The following ARHGAP24 variants were observed in gnomAD, a reference collection of about 807,000 sequenced individuals.
The protein encoded by ARHGAP24 is Rho GTPase activating protein 24, also known as rho GTPase-activating protein 24.
In ARHGAP24, 50 loss-of-function variants were observed where a neutral mutation model predicts 76.4. The observed-to-expected ratio is 0.65, with a 90% CI of 0.52 to 0.83. The LOEUF (loss-of-function observed/expected upper bound fraction) is 0.83, where lower values mean the gene tolerates loss of function less well. Ranked by LOEUF, ARHGAP24 falls within the 40% of genes least tolerant of loss-of-function variation. The probability of loss-of-function intolerance (pLI) is 0.00; values close to 1 mark genes in which losing one functional copy is unlikely to be tolerated. For missense variants in ARHGAP24, 930 were observed against 914.2 expected (o/e 1.02, Z -0.22); for synonymous variants, 345 against 323.3 (o/e 1.07, Z -0.72).
intron 1 of ARHGAP24, among the ~76,000 whole-genome samples, chr4:85,551,923 T>C (rs1313220539): frequency 6.6e-6 from 1 of 152,168 alleles, no homozygotes. Flanking sequence ...TTTTATTCAT[T>C]ATTACGCTAG....
chr4:85,554,735 A>T (rs989912426), intron 1 of ARHGAP24, among the ~76,000 whole-genome samples: 1 of 151,864 alleles, frequency 6.6e-6, no homozygotes, highest in Non-Finnish European at 1.5e-5. Context: ...CAGTGGTGCT[A>T]TCTTGGCCCA....
intron 3 of ARHGAP24, among the ~76,000 whole-genome samples, chr4:85,882,912 G>C (rs978777036): frequency 2.6e-5 from 4 of 152,128 alleles, no homozygotes; most frequent in African/African-American, 9.7e-5. Flanking sequence ...GACACAACTT[G>C]GCACTGCTTA....
chr4:85,894,960 C>CAAAAAAAAAAAAAAAAAAAAAAAAAAAA (rs540459367), intron 3 of ARHGAP24, among the ~76,000 whole-genome samples: 2 of 35,356 alleles, frequency 5.7e-5, no homozygotes, highest in Non-Finnish European at 1.3e-4. Flanking sequence ...GACTCCCTCT[C>CAAAAAAAAAAAAAAAAAAAAAAAAAAAA]AAAAAAAAAA....
At chr4:85,968,049 G>T (rs1738736221) in intron 5 of ARHGAP24, among the ~76,000 whole-genome samples, 1 of 152,146 alleles carries the variant, frequency 6.6e-6, no homozygotes, top group African/African-American at 2.4e-5. Flanking sequence ...TCAGCTATTT[G>T]TTCCTAGTTA....
intron 3 of ARHGAP24, among the ~76,000 whole-genome samples, chr4:85,752,481 C>A (rs1487703543): frequency 6.7e-6 from 1 of 149,326 alleles, no homozygotes; most frequent in Non-Finnish European, 1.5e-5. Context: ...AAAAAAAACT[C>A]AAATACTGTT....
chr4:85,878,425 A>G (rs1342723172), intron 3 of ARHGAP24, among the ~76,000 whole-genome samples: 1 of 152,124 alleles, frequency 6.6e-6, no homozygotes, highest in Non-Finnish European at 1.5e-5. Flanking sequence ...TAGCCAGCCA[A>G]TTTTTAGTGT....
intron 3 of ARHGAP24, among the ~76,000 whole-genome samples, chr4:85,761,296 A>G (rs1229281582): frequency 6.6e-6 from 1 of 152,186 alleles, no homozygotes. Context: ...ATTTCTAGAG[A>G]TAGTTCTCCA....
chr4:85,891,176 ACTAC>A, intron 3 of ARHGAP24, among the ~76,000 whole-genome samples: 1 of 152,290 alleles, frequency 6.6e-6, no homozygotes, highest in Admixed American at 6.5e-5. Context: ...GGGACGTTAT[ACTAC>A]ATTGGGACGA....
intron 2 of ARHGAP24, among the ~76,000 whole-genome samples, chr4:85,631,398 T>C (rs970419065): frequency 6.6e-6 from 1 of 152,132 alleles, no homozygotes; most frequent in Non-Finnish European, 1.5e-5. Context: ...TCTTAATATA[T>C]ACATCAATGT....
intron 3 of ARHGAP24, among the ~76,000 whole-genome samples, chr4:85,749,708 G>A (rs1030874838): frequency 6.6e-6 from 1 of 152,168 alleles, no homozygotes; most frequent in Non-Finnish European, 1.5e-5. Context: ...TGGGATTACA[G>A]GCACCTGCCA....
intron 3 of ARHGAP24, among the ~76,000 whole-genome samples, chr4:85,854,076 A>C (rs1731405270): frequency 6.6e-6 from 1 of 151,332 alleles, no homozygotes; most frequent in Admixed American, 6.6e-5. Context: ...CTGAGGTGGA[A>C]ATGAGCCAAG....
chr4:85,783,314 G>A (rs1338424436), intron 3 of ARHGAP24, among the ~76,000 whole-genome samples: 1 of 152,054 alleles, frequency 6.6e-6, no homozygotes, highest in African/African-American at 2.4e-5. Context: ...TGGTTATACT[G>A]TACATAATAG....
chr4:85,547,442 AT>A (rs60886114), intron 1 of ARHGAP24, among the ~76,000 whole-genome samples: 18,435 of 149,042 alleles, frequency 0.12, 3,191 homozygotes, highest in African/African-American at 0.39. Context: ...TGGCAATGTA[AT>A]TTTTTTTTTT....
intron 3 of ARHGAP24, among the ~76,000 whole-genome samples, chr4:85,837,708 C>G (rs1348192222): frequency 6.6e-6 from 1 of 152,156 alleles, no homozygotes; most frequent in African/African-American, 2.4e-5. Flanking sequence ...GAGGAGCCCA[C>G]TCCCCTAAAC....
At chr4:85,810,026 T>G (rs1728945512) in intron 3 of ARHGAP24, among the ~76,000 whole-genome samples, 1 of 152,226 alleles carries the variant, frequency 6.6e-6, no homozygotes. Flanking sequence ...ATCATAAAAT[T>G]GGATAACATG....
chr4:85,945,643 C>G (rs939961884), intron 5 of ARHGAP24, among the ~76,000 whole-genome samples: 2 of 151,026 alleles, frequency 1.3e-5, no homozygotes, highest in Non-Finnish European at 2.9e-5. Context: ...ACCTGTAATC[C>G]CAGCTGCTTG....
intron 3 of ARHGAP24, among the ~76,000 whole-genome samples, chr4:85,730,600 G>C (rs1725363340): frequency 1.3e-5 from 2 of 151,948 alleles, no homozygotes; most frequent in Admixed American, 1.3e-4. Context: ...GTAGAGATGA[G>C]GTCTCACTAT....
chr4:85,577,527 T>C (rs1201298451), intron 2 of ARHGAP24, among the ~76,000 whole-genome samples: 1 of 152,164 alleles, frequency 6.6e-6, no homozygotes, highest in Non-Finnish European at 1.5e-5. Context: ...CACATCTAAC[T>C]GCAAAGGAGG....
At chr4:85,855,954 A>G (rs1162250369) in intron 3 of ARHGAP24, among the ~76,000 whole-genome samples, 1 of 152,134 alleles carries the variant, frequency 6.6e-6, no homozygotes, top group African/African-American at 2.4e-5. Context: ...TTGAACTATT[A>G]TGGCTAAAAC....
Sources: gnomAD v4.1 joint callset for allele counts (sites outside exome capture counted in the v4.1 genomes callset) on GRCh38, gnomAD v4.1.1 for gene constraint, MANE v1.5 for transcripts, NCBI Gene and HGNC (gene_info 2026-07-23, HGNC 2026-07-21) for gene names.